Variants in RBPMS observed in about 807,000 individuals in gnomAD.
RBPMS encodes RNA binding protein, mRNA processing factor.
A neutral mutation model predicts 26.8 loss-of-function variants in RBPMS; 7 were observed. That is an observed-to-expected ratio of 0.26 (90% CI 0.15 to 0.49). The LOEUF (loss-of-function observed/expected upper bound fraction) is 0.49, where lower values mean the gene tolerates loss of function less well. Among genes scored for constraint, RBPMS ranks in the 20% least tolerant of loss-of-function variants. The probability of loss-of-function intolerance (pLI) is 0.98; values close to 1 mark genes in which losing one functional copy is unlikely to be tolerated. For missense variants in RBPMS, 186 were observed against 250.0 expected (o/e 0.74, Z 1.73); for synonymous variants, 96 against 93.3 (o/e 1.03, Z -0.17).
At chr8:30,445,649 G>GATATAT (rs59580323) in intron 1 of RBPMS, among the ~76,000 whole-genome samples, 3,123 of 107,266 alleles carry the variant, frequency 0.029, 226 homozygotes, top group African/African-American at 0.06. Flanking sequence ...TATACACACG[G>GATATAT]ATATATATAT....
chr8:30,497,236 C>T (rs1207466560), intron 4 of RBPMS, among the ~76,000 whole-genome samples: 2 of 152,084 alleles, frequency 1.3e-5, no homozygotes, highest in Non-Finnish European at 2.9e-5. Context: ...TTCTTGTGAC[C>T]AAAACGCTCT....
At chr8:30,490,103 C>T (rs548566087) in intron 4 of RBPMS, among the ~76,000 whole-genome samples, 46 of 152,326 alleles carry the variant, frequency 3.0e-4, no homozygotes, top group Middle Eastern at 3.4e-3. Context: ...AGAGCCACCA[C>T]GCCCAGCCTC....
chr8:30,459,742 C>CTT (rs1242265321), intron 1 of RBPMS, among the ~76,000 whole-genome samples: 1 of 152,180 alleles, frequency 6.6e-6, no homozygotes, highest in Non-Finnish European at 1.5e-5. Flanking sequence ...ATTTAATGGT[C>CTT]TTTTCCTCCC....
chr8:30,443,191 T>G (rs1440984825), intron 1 of RBPMS, among the ~76,000 whole-genome samples: 1 of 152,188 alleles, frequency 6.6e-6, no homozygotes, highest in Non-Finnish European at 1.5e-5. Flanking sequence ...TGTAAAATAT[T>G]GGAATCCGTT....
intron 1 of RBPMS, among the ~76,000 whole-genome samples, chr8:30,414,336 T>C (rs1809810248): frequency 6.6e-6 from 1 of 152,234 alleles, no homozygotes; most frequent in Non-Finnish European, 1.5e-5. Flanking sequence ...ATCTCTTGTT[T>C]ATAGGAAATG....
At chr8:30,446,828 TGTGTGTGTGTGTGTGCGC>T (rs1404218002) in intron 1 of RBPMS, 44 of 99,192 alleles carry the variant, frequency 4.4e-4, no homozygotes, top group African/African-American at 1.9e-3. Context: ...TGTGTGTGTG[TGTGTGTGTGTGTGTGCGC>T]GCGCGCGCGC....
intron 1 of RBPMS, among the ~76,000 whole-genome samples, chr8:30,437,638 A>C (rs1324068344): frequency 2.6e-5 from 4 of 152,186 alleles, no homozygotes; most frequent in Non-Finnish European, 5.9e-5. Flanking sequence ...TAAAAATAAA[A>C]AAATTAGCCG....
chr8:30,519,507 G>A (rs1339025190), intron 5 of RBPMS, among the ~76,000 whole-genome samples: 4 of 109,730 alleles, frequency 3.6e-5, no homozygotes, highest in Non-Finnish European at 6.8e-5. Flanking sequence ...TTTTGGAGAC[G>A]GAGTCTCACT....
intron 1 of RBPMS, among the ~76,000 whole-genome samples, chr8:30,461,884 A>G (rs1236670794): frequency 1.3e-5 from 2 of 152,192 alleles, no homozygotes; most frequent in South Asian, 2.1e-4. Flanking sequence ...AAGTTACAGA[A>G]CAAGTCCCCA....
chr8:30,559,706 AC>A (rs1158779700), intron 7 of RBPMS, among the ~76,000 whole-genome samples: 2 of 152,222 alleles, frequency 1.3e-5, no homozygotes, highest in East Asian at 1.9e-4. Context: ...TTTTAGTTCC[AC>A]CATCAGTCTT....
At chr8:30,412,540 T>C (rs932054097) in intron 1 of RBPMS, among the ~76,000 whole-genome samples, 11 of 152,158 alleles carry the variant, frequency 7.2e-5, no homozygotes, top group Admixed American at 4.6e-4. Context: ...TCTCCATGGT[T>C]CTTGCCCTCT....
intron 4 of RBPMS, among the ~76,000 whole-genome samples, chr8:30,489,452 T>TTTTTC (rs569815094): frequency 2.6e-5 from 4 of 151,704 alleles, no homozygotes; most frequent in East Asian, 1.9e-4. Context: ...CTAAAGTCTC[T>TTTTTC]TTTTCTTTTC....
chr8:30,447,829 A>G (rs1814059346), intron 1 of RBPMS, among the ~76,000 whole-genome samples: 2 of 152,232 alleles, frequency 1.3e-5, no homozygotes, highest in South Asian at 4.1e-4. Flanking sequence ...ACTCATTTTA[A>G]AAATGATACG....
At chr8:30,409,188 C>T (rs550760032) in intron 1 of RBPMS, among the ~76,000 whole-genome samples, 3 of 151,088 alleles carry the variant, frequency 2.0e-5, no homozygotes, top group Non-Finnish European at 4.4e-5. Context: ...GTGCCTAGAG[C>T]GTTTTCTCTT....
At chr8:30,566,216 G>A in intron 7 of RBPMS, 41 bp from the exon 8 acceptor site, 1 of 981,360 alleles carries the variant, frequency 1.0e-6, no homozygotes, top group African/African-American at 1.7e-5. Context: ...CCAGGTGGAG[G>A]TTACTGTGCA....
At chr8:30,563,592 A>C (rs1199078114) in intron 7 of RBPMS, among the ~76,000 whole-genome samples, 1 of 152,222 alleles carries the variant, frequency 6.6e-6, no homozygotes, top group East Asian at 1.9e-4. Flanking sequence ...ATGTAGTTAC[A>C]GCCTCCCCAG....
chr8:30,418,610 A>C (rs1432980706), intron 1 of RBPMS, among the ~76,000 whole-genome samples: 2 of 152,100 alleles, frequency 1.3e-5, no homozygotes, highest in African/African-American at 4.8e-5. Context: ...GCAGGGTCTC[A>C]CTCTGTCACC....
At chr8:30,435,596 G>T (rs1812366489) in intron 1 of RBPMS, among the ~76,000 whole-genome samples, 1 of 152,170 alleles carries the variant, frequency 6.6e-6, no homozygotes, top group Non-Finnish European at 1.5e-5. Flanking sequence ...GGGTCAGAGG[G>T]TACTGTGTTG....
chr8:30,566,839 T>A (rs1211751956), intron 8 of RBPMS, among the ~76,000 whole-genome samples: 1 of 152,154 alleles, frequency 6.6e-6, no homozygotes, highest in African/African-American at 2.4e-5. Flanking sequence ...CATAGGATAA[T>A]TACCCTGGAG....
Sources: gnomAD v4.1 joint callset for allele counts (sites outside exome capture counted in the v4.1 genomes callset) on GRCh38, gnomAD v4.1.1 for gene constraint, MANE v1.5 for transcripts, NCBI Gene and HGNC (gene_info 2026-07-23, HGNC 2026-07-21) for gene names.